The following ATP2A3 variants were observed in gnomAD, a reference collection of about 807,000 sequenced individuals.
ATP2A3 encodes the protein sarcoplasmic/endoplasmic reticulum calcium ATPase 3.
ATP2A3 carries 61 observed loss-of-function variants against 106.8 expected under a neutral mutation model. The observed-to-expected ratio is 0.57, with a 90% CI of 0.46 to 0.71. The LOEUF (loss-of-function observed/expected upper bound fraction) is 0.71, where lower values mean the gene tolerates loss of function less well. Among genes scored for constraint, ATP2A3 ranks in the 30% least tolerant of loss-of-function variants. The pLI is 0.00. For missense variants in ATP2A3, 1,201 were observed against 1,423.5 expected (o/e 0.84, Z 2.52); for synonymous variants, 611 against 609.3 (o/e 1.00, Z -0.04).
At chr17:3,949,743 G>A (rs1437228446) in intron 7 of ATP2A3, among the ~76,000 whole-genome samples, 2 of 152,182 alleles carry the variant, frequency 1.3e-5, no homozygotes, top group Non-Finnish European at 2.9e-5. Context: ...ACTAGTATGT[G>A]TAAAGAGCTT....
intron 11 of ATP2A3, among the ~76,000 whole-genome samples, chr17:3,943,043 T>G (rs2053872473): frequency 6.6e-6 from 1 of 152,070 alleles, no homozygotes; most frequent in African/African-American, 2.4e-5. Flanking sequence ...ATCCCAGCAC[T>G]CTGGGAGGCC....
rs374078983 is a variant in ATP2A3, at chr17:3,929,444, C to A, written c.2746G>T (p.Val916Phe). ...TIEMCNALNSVSENQSLLRMP... is the reference protein window; with the variant it reads ...TIEMCNALNSFSENQSLLRMP... ...CGCAGCAGCGACTGGTTCTCCGAGACGCTGCCAGGGCACAGGGTGCTCCCC... is the reference window on the plus strand; with the variant it reads ...CGCAGCAGCGACTGGTTCTCCGAGAAGCTGCCAGGGCACAGGGTGCTCCCC... The change falls in exon 19 of 21, where the codon GTC becomes TTC. Residue 916 changes from valine to phenylalanine, a missense_variant and splice_region_variant. Physicochemically the swap from Val to Phe is conservative, Grantham distance 50. Around this residue, in one of 2 missense-constraint regions of ATP2A3, gnomAD observed 935 missense variants for 1,176.7 expected, o/e 0.79. Transcript: ENST00000397041. This position sits in a 1 kb window ranked among gnomAD's most constrained non-coding sequence, Gnocchi z 4.3. 6.3e-7 allele frequency: 1 copy of A among 1,590,886 alleles called. No homozygotes were observed. Among genetic ancestry groups the A allele is most frequent in the Non-Finnish European group, 8.5e-7 (1 of 1,169,856 alleles).
chr17:3,959,092 T>C (rs1328340840), intron 1 of ATP2A3, among the ~76,000 whole-genome samples: 1 of 151,900 alleles, frequency 6.6e-6, no homozygotes, highest in Non-Finnish European at 1.5e-5. Context: ...AAGATGAGGT[T>C]TCACCATGTT....
Position 3,926,730 on chromosome 17 carries a change from C to T in ATP2A3, c.2981-1289G>A, listed in dbSNP as rs949320921. 9.2e-6 allele frequency: 4 copies of T among 436,396 alleles called. No homozygotes were observed. Among genetic ancestry groups the T allele is most frequent in the Admixed American group, 1.3e-4 (2 of 15,574 alleles). The allele number at this position is 436,396 out of a possible 1,614,324, so 27.0% of individuals were successfully genotyped here. On this transcript the variant is annotated intron_variant, in intron 20 of 20. Coordinates refer to ENST00000397041, the MANE Select transcript of ATP2A3 (RefSeq NM_005173.4). The surrounding 1 kb of genome is among the most constrained non-coding windows in gnomAD (Gnocchi z 4.6). The stretch of plus-strand genomic sequence containing the variant: ...GATTATAGGCACCTGCCACCACGCC[C>T]AGCTAATTTTTGTATCTTTAGTAGA...
chr17:3,949,159 T>A (rs1211284178), intron 7 of ATP2A3, among the ~76,000 whole-genome samples: 1 of 148,814 alleles, frequency 6.7e-6, no homozygotes, highest in Non-Finnish European at 1.5e-5. Flanking sequence ...AAAAAGGAGT[T>A]CTGGGTGAGT....
At chr17:3,951,220 AAT>A in intron 5 of ATP2A3, 29 bp downstream of exon 5, 1 of 1,341,984 alleles carries the variant, frequency 7.5e-7, no homozygotes, top group Non-Finnish European at 9.6e-7. Flanking sequence ...AATAAAATAA[AAT>A]AAAATAAAAG....
Position 3,930,190 on chromosome 17 carries a change from G to C in ATP2A3, c.2744+111C>G. The C allele has an allele frequency of 1.8e-6, 2 of 1,110,996 alleles. No individual in the cohort carries two copies. Among genetic ancestry groups the C allele is most frequent in the Non-Finnish European group, 2.3e-6 (2 of 853,328 alleles). 68.8% of individuals were successfully genotyped at this position (1,110,996 alleles called of 1,614,324 possible). ...CCCCCACTCCTCGGCCCCAGCTCCA[G>C]GCCCTGCGCCCAGCCCACCTGGACC... On this transcript the variant is annotated intron_variant, in intron 18 of 20. Transcript: ENST00000397041. This position sits in a 1 kb window ranked among gnomAD's most constrained non-coding sequence, Gnocchi z 5.4.
intron 14 of ATP2A3, 69 bp downstream of exon 14, chr17:3,940,902 G>A (rs1475258730): frequency 9.0e-6 from 14 of 1,548,138 alleles, no homozygotes; most frequent in Non-Finnish European, 1.2e-5. Context: ...AGAGTTGCAC[G>A]GCTTGCTCTT....
intron 12 of ATP2A3, 89 bp from the exon 13 acceptor site, chr17:3,941,743 A>G: frequency 7.0e-7 from 1 of 1,419,940 alleles, no homozygotes. Context: ...TGAGACTAAG[A>G]TACGGGCAAA....
In ATP2A3 at chr17:3,928,922, T is replaced by C. The variant is rs2052877964; in HGVS notation, c.2863-142A>G. Reference sequence around the variant, plus strand: ...AACCCCCTGGATGCACCCCCGATCTTTGTCCACTCAGCTGCACCCCCCGAT... The same window carrying C: ...AACCCCCTGGATGCACCCCCGATCTCTGTCCACTCAGCTGCACCCCCCGAT... On this transcript the variant is annotated intron_variant, in intron 19 of 20. Transcript: ENST00000397041. This position sits in a 1 kb window ranked among gnomAD's most constrained non-coding sequence, Gnocchi z 6.1. 6.3e-6 allele frequency: 4 copies of C among 634,766 alleles called. No individual in the cohort carries two copies. The highest frequency in any genetic ancestry group is 1.1e-5 in the Non-Finnish European group (4 of 364,688). The allele number at this position is 634,766 out of a possible 1,614,324, so 39.3% of individuals were successfully genotyped here. A position where few individuals can be genotyped will look rare whatever the true frequency, so the allele number is the denominator to read the frequency against.
intron 20 of ATP2A3, chr17:3,927,931 C>T (rs761480615): frequency 6.2e-7 from 1 of 1,610,678 alleles, no homozygotes. Flanking sequence ...CACAGCAGTC[C>T]AGCCATACGG....
chr17:3,951,114 A>G, intron 5 of ATP2A3, 137 bp downstream of exon 5: 1 of 896,100 alleles, frequency 1.1e-6, no homozygotes, highest in Non-Finnish European at 1.5e-6. Context: ...AGGAGGTTGC[A>G]GTGAGCCGAG....
chr17:3,940,921 C>T (rs2144469479), intron 14 of ATP2A3, 50 bp downstream of exon 14: 1 of 1,602,382 alleles, frequency 6.2e-7, no homozygotes. Flanking sequence ...TTTTCACACC[C>T]CGTGGCCCCA....
At chr17:3,937,391 G>T (rs763297941) in intron 15 of ATP2A3, 25 bp downstream of exon 15, 1 of 1,602,674 alleles carries the variant, frequency 6.2e-7, no homozygotes, top group South Asian at 1.1e-5. Context: ...TGAGAGGGCT[G>T]AGAGGAGGGA....
At chr17:3,937,688 C>T (rs1489342878) in intron 14 of ATP2A3, 52 bp from the exon 15 acceptor site, 2 of 1,564,842 alleles carry the variant, frequency 1.3e-6, no homozygotes, top group Admixed American at 1.8e-5. Context: ...CTTCCACCTC[C>T]CCATCTCTTC....
chr17:3,928,091 G>T lies in ATP2A3; in HGVS notation c.2980+572C>A. 6.2e-7 allele frequency: 1 copy of T among 1,610,400 alleles called. No homozygotes were observed. Among genetic ancestry groups the T allele is most frequent in the Non-Finnish European group, 8.5e-7 (1 of 1,176,854 alleles). On this transcript the variant is annotated intron_variant, in intron 20 of 20. Transcript: ENST00000397041. The surrounding 1 kb of genome is among the most constrained non-coding windows in gnomAD (Gnocchi z 6.1). ...AGAGCCCACCTGGCAGAGGCAGGTG[G>T]ATGGACCCCATGTCCCAGCCCACTT...
chr17:3,953,277 G>A lies in ATP2A3; in HGVS notation c.219+70C>T. ...CAGGCCCAGGCTCCAGGACCTCGGA[G>A]CACTGCCCAGCCTGGCTCTCCCTCC... On this transcript the variant is annotated intron_variant, in intron 3 of 20. Coordinates refer to ENST00000397041, the MANE Select transcript of ATP2A3 (RefSeq NM_005173.4). The surrounding 1 kb of genome is among the most constrained non-coding windows in gnomAD (Gnocchi z 5.1). The A allele has an allele frequency of 6.5e-7, 1 of 1,541,630 alleles. No individual in the cohort carries two copies. The highest frequency in any genetic ancestry group is 9.0e-7 in the Non-Finnish European group (1 of 1,114,962).
chr17:3,925,663 T>C lies in ATP2A3; in HGVS notation c.2981-222A>G, dbSNP rs1161627282. Reference sequence around the variant, plus strand: ...CCCCCACGCCTCCTTCACTCCACTGTTCCATCAGCACCCCCAAACCCTCCA... The same window carrying C: ...CCCCCACGCCTCCTTCACTCCACTGCTCCATCAGCACCCCCAAACCCTCCA... On this transcript the variant is annotated intron_variant, in intron 20 of 20. Transcript: ENST00000397041. The surrounding 1 kb of genome is among the most constrained non-coding windows in gnomAD (Gnocchi z 4.2). 6.7e-6 allele frequency among the ~76,000 whole-genome samples: 1 copy of C among 148,798 alleles called. No homozygotes were observed. The highest frequency in any genetic ancestry group is 1.5e-5 in the Non-Finnish European group (1 of 67,222).
chr17:3,929,411 G>A lies in ATP2A3; in HGVS notation c.2779C>T (p.Pro927Ser). ...ACCAGCAGCCAGGGGTTCATCCAGG[G>A]CGGCATCCGCAGCAGCGACTGGTTC... ...SENQSLLRMP[P>S]WMNPWLLVAV... The change falls in exon 19 of 21, where the codon CCC (proline) becomes TCC (serine). Residue 927 changes from proline (P) to serine (S), a missense_variant. This residue lies in a region of ATP2A3 where 935 missense variants were observed against 1,176.7 expected (regional missense o/e 0.79). Transcript: ENST00000397041. The surrounding 1 kb of genome is among the most constrained non-coding windows in gnomAD (Gnocchi z 4.3). 1.9e-6 allele frequency: 3 copies of A among 1,591,830 alleles called. No individual in the cohort carries two copies. Among genetic ancestry groups the A allele is most frequent in the Non-Finnish European group, 2.6e-6 (3 of 1,170,162 alleles).
Sources: allele counts gnomAD v4.1 joint callset (sites outside exome capture counted in the v4.1 genomes callset), GRCh38; gene constraint gnomAD v4.1.1; regional missense constraint gnomAD v4.1.1; non-coding constraint Gnocchi (gnomAD v3.1); transcripts MANE v1.5; gene names NCBI Gene and HGNC (gene_info 2026-07-23, HGNC 2026-07-21).